Variants in NFIL3 observed in about 807,000 individuals in gnomAD.
NFIL3 encodes the protein nuclear factor interleukin-3-regulated protein.
In NFIL3, 5 loss-of-function variants were observed where a neutral mutation model predicts 10.0. The ratio of observed to expected loss-of-function variants is 0.50; its 90% CI spans 0.26 to 1.06. The LOEUF (loss-of-function observed/expected upper bound fraction) is 1.06, where lower values mean the gene tolerates loss of function less well. Among genes scored for constraint, NFIL3 ranks in the 50% least tolerant of loss-of-function variants. The pLI, the probability that NFIL3 is intolerant of heterozygous loss-of-function variation, is 0.13. For missense variants in NFIL3, 436 were observed against 547.6 expected (o/e 0.80, Z 2.03); for synonymous variants, 202 against 206.5 (o/e 0.98, Z 0.19).
chr9:91,459,598 T>G, the NFIL3 span, among the ~76,000 whole-genome samples: 1 of 152,146 alleles, frequency 6.6e-6, no homozygotes, highest in Non-Finnish European at 1.5e-5. Context: ...GGCAGGAGGA[T>G]TGCTTGAGCC....
chr9:91,451,303 T>A, the NFIL3 span, among the ~76,000 whole-genome samples: 1 of 152,234 alleles, frequency 6.6e-6, no homozygotes, highest in Non-Finnish European at 1.5e-5. Flanking sequence ...TATTGATCTA[T>A]AAGTGTCAGT....
the NFIL3 span, among the ~76,000 whole-genome samples, chr9:91,430,478 G>A: frequency 6.6e-6 from 1 of 152,078 alleles, no homozygotes; most frequent in Non-Finnish European, 1.5e-5. Context: ...AGATGAGGAT[G>A]GTGGGTTAAA....
the NFIL3 span, among the ~76,000 whole-genome samples, chr9:91,466,415 T>A: frequency 6.6e-6 from 1 of 152,198 alleles, no homozygotes; most frequent in South Asian, 2.1e-4. Context: ...CAGCTAAGAC[T>A]GTATGACCTG....
In NFIL3 at chr9:91,409,157, C is replaced by T. The variant is rs1264416341; in HGVS notation, c.*189G>A. 3.5e-6 allele frequency: 2 copies of T among 570,564 alleles called. No individual in the cohort carries two copies. Among genetic ancestry groups the T allele is most frequent in the African/African-American group, 1.9e-5 (1 of 53,274 alleles). 35.3% of individuals were successfully genotyped at this position (570,564 alleles called of 1,614,324 possible). ...CCTTCGCATGGACTATCTGACTATA[C>T]ACAGGCAGAGTGATAACACAATCTA... On this transcript the variant is annotated 3_prime_UTR_variant, in exon 2 of 2. Transcript: ENST00000297689.
chr9:91,466,772 T>C, the NFIL3 span, among the ~76,000 whole-genome samples: 1 of 152,168 alleles, frequency 6.6e-6, no homozygotes, highest in Non-Finnish European at 1.5e-5. Context: ...TAAAGAGGTA[T>C]ATACGGGTGT....
the NFIL3 span, among the ~76,000 whole-genome samples, chr9:91,446,562 C>A: frequency 6.6e-6 from 1 of 152,166 alleles, no homozygotes; most frequent in Admixed American, 6.5e-5. Context: ...ATTTCCAAAA[C>A]CATTTTCATC....
At chr9:91,449,572 A>G in the NFIL3 span, among the ~76,000 whole-genome samples, 1 of 152,228 alleles carries the variant, frequency 6.6e-6, no homozygotes, top group African/African-American at 2.4e-5. Context: ...GTTGTGGAGT[A>G]TAATTTTTTT....
chr9:91,474,707 A>G, the NFIL3 span, among the ~76,000 whole-genome samples: 4 of 151,754 alleles, frequency 2.6e-5, no homozygotes, highest in African/African-American at 9.7e-5. Flanking sequence ...TGAAGGGGTT[A>G]GGTGAGGTGG....
At chr9:91,443,899 T>C in the NFIL3 span, among the ~76,000 whole-genome samples, 8 of 152,228 alleles carry the variant, frequency 5.3e-5, no homozygotes, top group African/African-American at 1.4e-4. Context: ...TTGATTATAA[T>C]GTACCCCAGA....
At chr9:91,418,823 T>C (rs1833705944) in intron 1 of NFIL3, among the ~76,000 whole-genome samples, 1 of 149,754 alleles carries the variant, frequency 6.7e-6, no homozygotes, top group Admixed American at 6.7e-5. Context: ...TTATGCTCTA[T>C]TATTAAAGCC....
chr9:91,473,327 G>A, the NFIL3 span, among the ~76,000 whole-genome samples: 1 of 152,228 alleles, frequency 6.6e-6, no homozygotes. Context: ...GTCTACAAAG[G>A]CAGGCAGTCC....
chr9:91,482,221 G>A, the NFIL3 span, among the ~76,000 whole-genome samples: 2 of 151,968 alleles, frequency 1.3e-5, no homozygotes, highest in African/African-American at 4.8e-5. Flanking sequence ...TTTTTGGCCT[G>A]GCAAAAAACT....
the NFIL3 span, among the ~76,000 whole-genome samples, chr9:91,479,689 G>A: frequency 1.3e-4 from 20 of 152,292 alleles, no homozygotes; most frequent in Admixed American, 5.9e-4. Flanking sequence ...GCACCACTGA[G>A]GTATGAAAAG....
rs745424263 is a variant in NFIL3, at chr9:91,409,453, G to C, written c.1282C>G (p.Pro428Ala). The C allele has an allele frequency of 6.2e-7, 1 of 1,614,054 alleles. No homozygotes were observed. The highest frequency in any genetic ancestry group is 2.2e-5 in the East Asian group (1 of 44,884). Residue 428 changes from proline (P) to alanine (A), a missense_variant, in exon 2 of 2, where the codon CCA becomes GCA. Pro to Ala is a conservative substitution (Grantham distance 27, BLOSUM62 -1). Coordinates refer to ENST00000297689, the MANE Select transcript of NFIL3 (RefSeq NM_005384.3). ...MKDSGYKVSDPENLYLKQGIA... is the reference protein window; with the variant it reads ...MKDSGYKVSDAENLYLKQGIA... ...CCCTGCTTCAAATACAAGTTCTCTGGGTCAGAAACTTTGTAGCCACTGTCT... is the reference window on the plus strand; with the variant it reads ...CCCTGCTTCAAATACAAGTTCTCTGCGTCAGAAACTTTGTAGCCACTGTCT...
the NFIL3 span, among the ~76,000 whole-genome samples, chr9:91,461,947 G>A: frequency 3.9e-5 from 6 of 151,994 alleles, no homozygotes; most frequent in Non-Finnish European, 7.4e-5. Flanking sequence ...GGTAATCACG[G>A]TCATTGTTCT....
chr9:91,468,488 GC>G, the NFIL3 span, among the ~76,000 whole-genome samples: 2 of 152,090 alleles, frequency 1.3e-5, no homozygotes, highest in Non-Finnish European at 2.9e-5. Context: ...TCTGTAGGTT[GC>G]CTGTTCACTC....
At chr9:91,479,390 C>T in the NFIL3 span, among the ~76,000 whole-genome samples, 2 of 151,702 alleles carry the variant, frequency 1.3e-5, no homozygotes, top group Non-Finnish European at 2.9e-5. Flanking sequence ...GAGGCTTTGC[C>T]GAGCTGCGGT....
intron 1 of NFIL3, among the ~76,000 whole-genome samples, chr9:91,417,995 G>A (rs1472020661): frequency 6.6e-6 from 1 of 150,838 alleles, no homozygotes; most frequent in African/African-American, 2.4e-5. Context: ...TAATAAATAC[G>A]ATGACAACAT....
the NFIL3 span, among the ~76,000 whole-genome samples, chr9:91,475,622 T>G: frequency 6.6e-6 from 1 of 152,038 alleles, no homozygotes; most frequent in African/African-American, 2.4e-5. Flanking sequence ...AAATCAGAAA[T>G]TAATAAAATA....
Sources: allele counts gnomAD v4.1 joint callset (sites outside exome capture counted in the v4.1 genomes callset), GRCh38; gene constraint gnomAD v4.1.1; transcripts MANE v1.5; gene names NCBI Gene and HGNC (gene_info 2026-07-23, HGNC 2026-07-21).